The following LMNTD1 variants were observed in gnomAD, a reference collection of about 807,000 sequenced individuals.
LMNTD1 encodes the protein lamin tail domain-containing protein 1.
Under a neutral mutation model 50.9 loss-of-function variants are expected in LMNTD1, and 35 were observed. The observed-to-expected ratio is 0.69, with a 90% CI of 0.53 to 0.91. LMNTD1 has a LOEUF of 0.91. LMNTD1 is among the 40% of genes least tolerant of loss of function. The pLI is 0.00. For missense variants in LMNTD1, 470 were observed against 475.5 expected (o/e 0.99, Z 0.11); for synonymous variants, 153 against 161.9 (o/e 0.94, Z 0.42).
intron 8 of LMNTD1, among the ~76,000 whole-genome samples, chr12:25,511,088 GA>G (rs1940253411): frequency 6.6e-6 from 1 of 152,112 alleles, no homozygotes; most frequent in Non-Finnish European, 1.5e-5. Flanking sequence ...AGGGGTGAAA[GA>G]ATGTGTGAAG....
chr12:25,541,322 A>C (rs1368910092), intron 4 of LMNTD1, among the ~76,000 whole-genome samples: 2 of 144,500 alleles, frequency 1.4e-5, no homozygotes, highest in Non-Finnish European at 3.1e-5. Context: ...CCTGACTTCA[A>C]ACTATACTAC....
At chr12:25,633,692 T>C (rs1017184474) in intron 1 of LMNTD1, among the ~76,000 whole-genome samples, 2 of 152,026 alleles carry the variant, frequency 1.3e-5, no homozygotes, top group African/African-American at 4.8e-5. Flanking sequence ...AAGAGGAAAG[T>C]TCATAGCCCT....
chr12:25,559,422 C>T lies in LMNTD1; in HGVS notation c.59-12868G>A, dbSNP rs940617827. The stretch of plus-strand genomic sequence containing the variant: ...AGTATTCCATGGTGTATATGTGACA[C>T]ATTTTCTTAATCCAGTCTATCATTG... On this transcript the variant is annotated intron_variant, in intron 1 of 7. Transcript: ENST00000445693. 2.0e-5 allele frequency among the ~76,000 whole-genome samples: 3 copies of T among 152,200 alleles called. No individual in the cohort carries two copies. In the South Asian group the frequency reaches 6.2e-4, roughly 32 times the overall value.
chr12:25,575,736 C>T (rs549312054), intron 1 of LMNTD1, among the ~76,000 whole-genome samples: 102 of 151,804 alleles, frequency 6.7e-4, no homozygotes, highest in Middle Eastern at 3.4e-3. Context: ...ATGTGCACAA[C>T]GTGCAGGTTT....
intron 1 of LMNTD1, among the ~76,000 whole-genome samples, chr12:25,623,098 AT>A (rs1447066865): frequency 6.6e-6 from 1 of 152,074 alleles, no homozygotes; most frequent in East Asian, 1.9e-4. Flanking sequence ...TAACACAAGA[AT>A]TTTTTTTAAT....
intron 9 of LMNTD1, among the ~76,000 whole-genome samples, chr12:25,483,297 A>C (rs1007406821): frequency 6.6e-6 from 1 of 151,460 alleles, no homozygotes; most frequent in African/African-American, 2.4e-5. Context: ...GGTTGTGCGC[A>C]CCTTTAGTCC....
At chr12:25,481,588 C>A (rs988609106) in intron 9 of LMNTD1, among the ~76,000 whole-genome samples, 3 of 151,832 alleles carry the variant, frequency 2.0e-5, no homozygotes, top group African/African-American at 7.3e-5. Context: ...ACTAATGCTG[C>A]CATATTTTGG....
chr12:25,591,811 CAGAGAGAGAGAGAGAGAG>C (rs58392351), intron 1 of LMNTD1, among the ~76,000 whole-genome samples: 7 of 90,018 alleles, frequency 7.8e-5, no homozygotes, highest in South Asian at 5.1e-4. Flanking sequence ...TAGCTCAGAA[CAGAGAGAGAGAGAGAGAG>C]AGAGAGAGAG....
At chr12:25,570,144 AG>A (rs1195297769) in intron 1 of LMNTD1, among the ~76,000 whole-genome samples, 1 of 152,218 alleles carries the variant, frequency 6.6e-6, no homozygotes, top group Non-Finnish European at 1.5e-5. Flanking sequence ...ATCGTTTACA[AG>A]GCAATTGAAT....
intron 1 of LMNTD1, among the ~76,000 whole-genome samples, chr12:25,579,897 A>G (rs1945206286): frequency 6.6e-6 from 1 of 152,112 alleles, no homozygotes; most frequent in African/African-American, 2.4e-5. Context: ...CTGCCAGTGC[A>G]TTCTCTATTG....
At chr12:25,639,447 C>A (rs958740905) in intron 1 of LMNTD1, among the ~76,000 whole-genome samples, 1 of 151,936 alleles carries the variant, frequency 6.6e-6, no homozygotes, top group Non-Finnish European at 1.5e-5. Flanking sequence ...CATAAAGAAC[C>A]CTTCCAACTC....
rs567888351 is a variant in LMNTD1, at chr12:25,599,400, G to A, written c.58+49094C>T. On this transcript the variant is annotated intron_variant, in intron 1 of 7. Transcript: ENST00000445693. The stretch of plus-strand genomic sequence containing the variant: ...GCCCTTCCTCTAAGATCTGGAACAC[G>A]ACAAGCATTTCACCACTGTTATTTA... Among the ~76,000 whole-genome samples the A allele has an allele frequency of 5.9e-5, 9 of 151,806 alleles. No homozygotes were observed. In the East Asian group the frequency reaches 1.4e-3, roughly 23 times the overall value.
At chr12:25,492,443 AG>A (rs985286899) in intron 9 of LMNTD1, among the ~76,000 whole-genome samples, 1 of 152,226 alleles carries the variant, frequency 6.6e-6, no homozygotes, top group Non-Finnish European at 1.5e-5. Flanking sequence ...CTGAATTTTT[AG>A]GGGAAAAAAA....
chr12:25,481,487 A>G (rs1381523503), intron 9 of LMNTD1, among the ~76,000 whole-genome samples: 1 of 152,014 alleles, frequency 6.6e-6, no homozygotes, highest in African/African-American at 2.4e-5. Context: ...TACAACCACC[A>G]AAGTATTTTC....
At chr12:25,488,895 T>C (rs1257256890) in intron 9 of LMNTD1, among the ~76,000 whole-genome samples, 1 of 152,096 alleles carries the variant, frequency 6.6e-6, no homozygotes, top group Non-Finnish European at 1.5e-5. Context: ...CCTTGTGAGG[T>C]GTCAGTGTGC....
chr12:25,480,989 T>TA (rs1165913386), intron 9 of LMNTD1, among the ~76,000 whole-genome samples: 13 of 152,328 alleles, frequency 8.5e-5, no homozygotes, highest in Admixed American at 2.6e-4. Flanking sequence ...AGACCTGCTC[T>TA]ACTGGTTGCC....
In LMNTD1 at chr12:25,553,266, A is replaced by G; in HGVS notation, c.-228T>C. ...GCTTGAGAGGGCAGTAACTTGGCAA[A>G]GAGACCTTTATGACTACAGTTGTTG... On this transcript the variant is annotated 5_prime_UTR_variant, in exon 1 of 10. Coordinates refer to ENST00000458174, the MANE Select transcript of LMNTD1 (RefSeq NM_001145728.2). 6.9e-7 allele frequency: 1 copy of G among 1,450,712 alleles called. No homozygotes were observed. The highest frequency in any genetic ancestry group is 2.8e-5 in the Admixed American group (1 of 35,268). The allele number at this position is 1,450,712 out of a possible 1,614,324, so 89.9% of individuals were successfully genotyped here.
chr12:25,519,926 T>A lies in LMNTD1; in HGVS notation c.948A>T (p.Glu316Asp), dbSNP rs908807778. The A allele has an allele frequency of 2.8e-5, 45 of 1,613,154 alleles. No homozygotes were observed. Among genetic ancestry groups the A allele is most frequent in the Non-Finnish European group, 3.7e-5 (44 of 1,179,690 alleles). The change falls in exon 7 of 10, where the codon GAA becomes GAT. Residue 316 changes from glutamate to aspartate, a missense_variant. Transcript: ENST00000458174. ...TATCTTTCTTAGGTTGATCTTGTTT[T>A]TCTTTAGTTATTGTAGCTGTAGATG... Reference protein sequence around the residue: ...WTASTATITKEKQDQPKKDIS... With the variant: ...WTASTATITKDKQDQPKKDIS...
chr12:25,532,162 TTTTG>T (rs898810017), intron 4 of LMNTD1, among the ~76,000 whole-genome samples: 11 of 152,330 alleles, frequency 7.2e-5, no homozygotes, highest in Middle Eastern at 3.4e-3. Context: ...ACGTTGTTTT[TTTTG>T]TTTGTTTGTT....
Sources: allele counts gnomAD v4.1 joint callset (sites outside exome capture counted in the v4.1 genomes callset), GRCh38; gene constraint gnomAD v4.1.1; transcripts MANE v1.5; gene names NCBI Gene and HGNC (gene_info 2026-07-23, HGNC 2026-07-21).